Variants in TMPRSS9 observed in about 807,000 individuals in gnomAD.
The protein encoded by TMPRSS9 is transmembrane serine protease 9.
Under a neutral mutation model 111.4 loss-of-function variants are expected in TMPRSS9, and 113 were observed. That is an observed-to-expected ratio of 1.01 (90% CI 0.87 to 1.19). TMPRSS9 has a LOEUF of 1.19. Among genes scored for constraint, TMPRSS9 ranks in the 50% most tolerant of loss-of-function variants. The pLI, the probability that TMPRSS9 is intolerant of heterozygous loss-of-function variation, is 0.00. For missense variants in TMPRSS9, 1,803 were observed against 1,513.1 expected (o/e 1.19, Z -3.18); for synonymous variants, 805 against 659.1 (o/e 1.22, Z -3.39).
chr19:2,386,545 C>A (rs377328317), upstream of TMPRSS9, among the ~76,000 whole-genome samples: 1 of 151,792 alleles, frequency 6.6e-6, no homozygotes, highest in Non-Finnish European at 1.5e-5. Context: ...GGATTACAGG[C>A]GTGAGCCACT....
intron 1 of TMPRSS9, among the ~76,000 whole-genome samples, chr19:2,372,681 G>A (rs925145413): frequency 4.6e-5 from 7 of 152,090 alleles, no homozygotes; most frequent in African/African-American, 1.7e-4. Context: ...AAGATTCATT[G>A]AAACAGGCAG....
chr19:2,413,884 T>C, exon 10 of TMPRSS9: 1 of 1,613,410 alleles, frequency 6.2e-7, no homozygotes, highest in Middle Eastern at 1.7e-4. Context: ...GCCCCCACCA[T>C]GGCTCCTGCC....
At chr19:2,424,950 G>GAC in intron 15 of TMPRSS9, 52 bp from the exon 17 acceptor site, 1 of 1,400,170 alleles carries the variant, frequency 7.1e-7, no homozygotes, top group Non-Finnish European at 9.2e-7. Context: ...ACAGGGGCGG[G>GAC]GGCCGGGGGC....
At chr19:2,401,353 GT>G (rs918344838) in intron 4 of TMPRSS9, among the ~76,000 whole-genome samples, 3 of 152,160 alleles carry the variant, frequency 2.0e-5, no homozygotes, top group African/African-American at 7.2e-5. Flanking sequence ...GCTGGTCGAG[GT>G]CTTAATAACC....
At chr19:2,410,350 A>T in exon 9 of TMPRSS9, 1 of 1,614,060 alleles carries the variant, frequency 6.2e-7, no homozygotes, top group Non-Finnish European at 8.5e-7. Context: ...CACTGACAGG[A>T]TGGTGTGCGC....
chr19:2,416,619 G>A lies in TMPRSS9; in HGVS notation c.1827G>A (p.Leu609=), dbSNP rs761403699. ...GCGGGAGCCCGGTGAAGATCGGGCT[G>A]CGGCGGGTAGTGCTGCACCCCCTCT... Residue 609 remains leucine, a synonymous_variant, in exon 12 of 18, where the codon CTG becomes CTA. Transcript: ENST00000648592. 8.1e-6 allele frequency: 13 copies of A among 1,612,650 alleles called. No individual in the cohort carries two copies. In the East Asian group the frequency reaches 2.5e-4, roughly 30 times the overall value.
chr19:2,407,144 A>G (rs1190027207), intron 7 of TMPRSS9, among the ~76,000 whole-genome samples: 2 of 151,722 alleles, frequency 1.3e-5, no homozygotes. Flanking sequence ...CAACTCTTTA[A>G]ATTTTGTGCC....
At chr19:2,405,573 C>G (rs778905016) in intron 7 of TMPRSS9, 28 bp downstream of exon 8, 1 of 1,497,104 alleles carries the variant, frequency 6.7e-7, no homozygotes, top group Non-Finnish European at 8.9e-7. Flanking sequence ...AGCACCAAAC[C>G]CGAACCCTCT....
chr19:2,364,994 A>G (rs1295520101), intron 1 of TMPRSS9, among the ~76,000 whole-genome samples: 3 of 148,584 alleles, frequency 2.0e-5, no homozygotes, highest in African/African-American at 5.0e-5. Flanking sequence ...AAAAAAAAAG[A>G]GCAAAACTGA....
chr19:2,400,629 T>G (rs1230133200), intron 4 of TMPRSS9, among the ~76,000 whole-genome samples: 1 of 151,982 alleles, frequency 6.6e-6, no homozygotes, highest in Non-Finnish European at 1.5e-5. Flanking sequence ...AACAAAATTG[T>G]ACGGTGCAGC....
At chr19:2,418,344 C>CCT (rs1971324390) in intron 13 of TMPRSS9, among the ~76,000 whole-genome samples, 1 of 58,348 alleles carries the variant, frequency 1.7e-5, no homozygotes, top group Non-Finnish European at 2.9e-5. Context: ...TCCTTCCCTC[C>CCT]CTTTCCCTCC....
intron 6 of TMPRSS9, among the ~76,000 whole-genome samples, chr19:2,403,436 T>C (rs1210583582): frequency 6.6e-6 from 1 of 152,038 alleles, no homozygotes; most frequent in Non-Finnish European, 1.5e-5. Context: ...GGAGAAGATA[T>C]CAGGCTGAAA....
rs150724281 is a variant in TMPRSS9 at position 2,417,822 on chromosome 19, G to A, written c.2018-180G>A. Among the ~76,000 whole-genome samples the A allele has an allele frequency of 4.7e-3, 712 of 152,240 alleles. 6 individuals are homozygous for A. The highest frequency in any genetic ancestry group is 0.012 in the South Asian group (58 of 4,824). ...GTGGGGAGACTCTTGCGCTCTGAGC[G>A]GGCCATCAGGCCCACCTCCTCCTCA... On this transcript the variant is annotated intron_variant, in intron 12 of 17. Coordinates refer to ENST00000648592, the Ensembl canonical transcript of TMPRSS9.
chr19:2,361,180 GGGCTGGGGTGGGA>G (rs1200934654), intron 1 of TMPRSS9, among the ~76,000 whole-genome samples: 2 of 76,966 alleles, frequency 2.6e-5, no homozygotes, highest in Non-Finnish European at 5.7e-5. Flanking sequence ...GTGTGGTGCG[GGGCTGGGGTGGGA>G]GGCTGGGGTG....
At position 2,413,022 on chromosome 19, in the gene TMPRSS9, C is replaced by T. The variant is rs141030889; in HGVS notation, c.1255-678C>T. 6.7e-3 allele frequency among the ~76,000 whole-genome samples: 1,022 copies of T among 152,030 alleles called. 13 individuals carry two copies. The highest frequency in any genetic ancestry group is 0.031 in the Middle Eastern group (9 of 294). On this transcript the variant is annotated intron_variant, in intron 9 of 17. Transcript: ENST00000648592. ...CAGCCTGGCCAACATGGTGAAACCC[C>T]GTCTCTACTAAAAATACAAGAAATT...
intron 1 of TMPRSS9, 41 bp downstream of exon 2, chr19:2,389,968 A>C: frequency 6.3e-7 from 1 of 1,584,502 alleles, no homozygotes. Flanking sequence ...AATACAAGGG[A>C]CATGTGCAAA....
chr19:2,383,736 C>T (rs999198438), intron 1 of TMPRSS9, among the ~76,000 whole-genome samples: 8 of 146,698 alleles, frequency 5.5e-5, no homozygotes, highest in African/African-American at 1.5e-4. Context: ...CCCAGGAGGT[C>T]GAGGCTGCAG....
intron 1 of TMPRSS9, among the ~76,000 whole-genome samples, chr19:2,392,039 AT>A (rs1251560539): frequency 6.6e-6 from 1 of 151,360 alleles, no homozygotes; most frequent in Non-Finnish European, 1.5e-5. Context: ...ACCACGCCCC[AT>A]CAGGAAGTCT....
rs747760013 is a variant in TMPRSS9 at position 2,416,773 on chromosome 19, A to G, written c.1981A>G (p.Met661Val). ...GAAGTTCCCTGTGGGCCGGAAGTGC[A>G]TGATCTCCGGATGGGGAAATACGCA... The change falls in exon 12 of 18, where the codon ATG (methionine) becomes GTG (valine). Residue 661 changes from methionine to valine, a missense_variant. Transcript: ENST00000648592. 5 of 1,612,158 alleles carry G rather than the reference A, an allele frequency of 3.1e-6. No homozygotes were observed. In the African/African-American group the frequency reaches 5.3e-5, roughly 17 times the overall value.
Sources: gnomAD v4.1 joint callset for allele counts (sites outside exome capture counted in the v4.1 genomes callset) on GRCh38, gnomAD v4.1.1 for gene constraint, MANE v1.5 for transcripts, NCBI Gene and HGNC (gene_info 2026-07-23, HGNC 2026-07-21) for gene names.